Variants in GPC5 observed in about 807,000 individuals in gnomAD.
The protein encoded by GPC5 is glypican-5.
A neutral mutation model predicts 53.9 loss-of-function variants in GPC5; 47 were observed. The observed-to-expected ratio is 0.87, with a 90% confidence interval of 0.69 to 1.11. The LOEUF (loss-of-function observed/expected upper bound fraction) is 1.11. GPC5 is among the 50% of genes most tolerant of loss of function. The pLI is 0.00. For synonymous variants in GPC5, 286 were observed against 263.3 expected, an observed-to-expected ratio of 1.09 and a Z score of -0.84; for missense variants, 748 against 713.1, an observed-to-expected ratio of 1.05 and a Z score of -0.56.
intron 7 of GPC5, among the ~76,000 whole-genome samples, chr13:92,405,255 A>T (rs1462461445): frequency 6.6e-6 from 1 of 152,142 alleles, no homozygotes; most frequent in African/African-American, 2.4e-5. Flanking sequence ...CACTCCGTGC[A>T]CTCGCTACGA....
rs370290883 is a variant in GPC5 at position 92,739,294 on chromosome 13, A to T, written c.1562-126988A>T. Among the ~76,000 whole-genome samples the T allele has an allele frequency of 9.2e-5, 14 of 152,268 alleles. 1 individual carries two copies. The highest frequency in any genetic ancestry group is 7.9e-4 in the Admixed American group (12 of 15,256). Reference sequence around the variant, plus strand: ...TGAACAGAGCTAGAAATTTAAAGTGAAAATTAGAAATAAATTCAATTCGAT... The same window carrying T: ...TGAACAGAGCTAGAAATTTAAAGTGTAAATTAGAAATAAATTCAATTCGAT... On this transcript the variant is annotated intron_variant, in intron 7 of 7. Coordinates refer to ENST00000377067, the MANE Select transcript of GPC5 (RefSeq NM_004466.6).
intron 2 of GPC5, among the ~76,000 whole-genome samples, chr13:91,618,281 T>A (rs112162248): frequency 0.023 from 3,522 of 152,180 alleles, 70 homozygotes; most frequent in African/African-American, 0.056. Flanking sequence ...TCTAAGTGAG[T>A]GAAGGTCACA....
intron 4 of GPC5, among the ~76,000 whole-genome samples, chr13:91,733,800 C>T (rs1214714950): frequency 6.6e-6 from 1 of 152,118 alleles, no homozygotes; most frequent in Non-Finnish European, 1.5e-5. Flanking sequence ...ACCTGTCTTC[C>T]CATCTGAATA....
chr13:91,998,553 C>A (rs1485482454), intron 6 of GPC5, among the ~76,000 whole-genome samples: 1 of 152,134 alleles, frequency 6.6e-6, no homozygotes, highest in African/African-American at 2.4e-5. Flanking sequence ...CCAACCTCCA[C>A]ACCAGTTTTC....
chr13:92,597,415 C>T (rs1594334210), intron 7 of GPC5, among the ~76,000 whole-genome samples: 1 of 152,238 alleles, frequency 6.6e-6, no homozygotes, highest in African/African-American at 2.4e-5. Flanking sequence ...CCAACTGCAT[C>T]CTTCGAAGAG....
At chr13:91,696,147 G>A (rs929891917) in intron 3 of GPC5, among the ~76,000 whole-genome samples, 1 of 152,176 alleles carries the variant, frequency 6.6e-6, no homozygotes, top group Non-Finnish European at 1.5e-5. Context: ...TTCTAAGGAA[G>A]GCCCTAAGCA....
intron 7 of GPC5, among the ~76,000 whole-genome samples, chr13:92,801,003 G>T (rs910372698): frequency 6.6e-6 from 1 of 151,014 alleles, no homozygotes; most frequent in African/African-American, 2.4e-5. Context: ...AATTATTCTT[G>T]GTTTCTAGAT....
At chr13:92,254,259 G>T (rs118129548) in intron 7 of GPC5, among the ~76,000 whole-genome samples, 1,890 of 152,262 alleles carry the variant, frequency 0.012, 18 homozygotes, top group Non-Finnish European at 0.018. Context: ...TTAAGAATTT[G>T]TAAGTGCTGG....
chr13:91,692,046 C>T (rs2035768584), intron 2 of GPC5, among the ~76,000 whole-genome samples: 1 of 152,012 alleles, frequency 6.6e-6, no homozygotes, highest in South Asian at 2.1e-4. Context: ...TTTGATATAC[C>T]ATTTTGACTT....
chr13:91,459,334 C>G (rs1881778213), intron 2 of GPC5, among the ~76,000 whole-genome samples: 1 of 151,950 alleles, frequency 6.6e-6, no homozygotes, highest in Non-Finnish European at 1.5e-5. Flanking sequence ...AATAAGCACT[C>G]TATCTAGTTG....
chr13:92,291,960 ACG>A (rs913564967), intron 7 of GPC5, among the ~76,000 whole-genome samples: 30 of 152,306 alleles, frequency 2.0e-4, no homozygotes, highest in African/African-American at 7.2e-4. Context: ...AACTCCGGAC[ACG>A]CTGCCTTTAA....
At chr13:92,178,041 C>T (rs2042120779) in intron 7 of GPC5, among the ~76,000 whole-genome samples, 1 of 152,154 alleles carries the variant, frequency 6.6e-6, no homozygotes, top group South Asian at 2.1e-4. Flanking sequence ...TATTCTGGCA[C>T]ATGGAAGTTT....
At chr13:91,571,954 C>CATATTGTATATAT (rs2031872889) in intron 2 of GPC5, among the ~76,000 whole-genome samples, 1 of 133,048 alleles carries the variant, frequency 7.5e-6, no homozygotes, top group African/African-American at 3.1e-5. Flanking sequence ...TACATATACA[C>CATATTGTATATAT]ACATATATGT....
intron 7 of GPC5, among the ~76,000 whole-genome samples, chr13:92,408,899 G>T (rs1230292851): frequency 1.3e-5 from 2 of 152,040 alleles, no homozygotes; most frequent in Non-Finnish European, 2.9e-5. Context: ...ATACATGAAT[G>T]AAAATAATGG....
intron 2 of GPC5, among the ~76,000 whole-genome samples, chr13:91,527,242 C>A (rs1886128176): frequency 6.6e-6 from 1 of 152,256 alleles, no homozygotes; most frequent in Non-Finnish European, 1.5e-5. Context: ...AAGTCAGTTA[C>A]TTCCAAGATA....
rs9561084 is a variant in GPC5, at chr13:92,549,865, C to T, written c.1562-316417C>T. Among the ~76,000 whole-genome samples, 700 of 143,988 alleles carry T rather than the reference C, an allele frequency of 4.9e-3. 6 individuals are homozygous for T. Among genetic ancestry groups the T allele is most frequent in the African/African-American group, 0.017 (647 of 38,088 alleles). The allele number at this position is 143,988 out of a possible 152,430, so 94.5% of individuals were successfully genotyped here. ...GGTAGGGGTAAAAGGGGGAAAGTTTCTTTTACCAAACACACACATACACAC... is the reference window on the plus strand; with the variant it reads ...GGTAGGGGTAAAAGGGGGAAAGTTTTTTTTACCAAACACACACATACACAC... On this transcript the variant is annotated intron_variant, in intron 7 of 7. Coordinates refer to ENST00000377067, the MANE Select transcript of GPC5 (RefSeq NM_004466.6).
intron 7 of GPC5, among the ~76,000 whole-genome samples, chr13:92,455,064 G>A (rs558569187): frequency 4.6e-5 from 7 of 152,182 alleles, no homozygotes; most frequent in South Asian, 2.1e-4. Context: ...AAAGAGGTAC[G>A]AACTCAGAGC....
intron 7 of GPC5, among the ~76,000 whole-genome samples, chr13:92,401,492 A>C (rs12877337): frequency 1.3e-5 from 2 of 151,908 alleles, no homozygotes; most frequent in African/African-American, 4.8e-5. Flanking sequence ...TAATTATTTC[A>C]TGGATAACAA....
chr13:92,533,657 T>G (rs9523707), intron 7 of GPC5, among the ~76,000 whole-genome samples: 1 of 151,968 alleles, frequency 6.6e-6, no homozygotes, highest in African/African-American at 2.4e-5. Flanking sequence ...AGAGGGTAAG[T>G]GTATGTTTGA....
Sources: gnomAD v4.1 joint callset for allele counts (sites outside exome capture counted in the v4.1 genomes callset) on GRCh38, gnomAD v4.1.1 for gene constraint, MANE v1.5 for transcripts, NCBI Gene and HGNC (gene_info 2026-07-23, HGNC 2026-07-21) for gene names.